The following POFUT3 variants were observed in gnomAD, a reference collection of about 807,000 sequenced individuals.
The protein encoded by POFUT3 is GDP-fucose protein O-fucosyltransferase 3.
the POFUT3 span, chr8:33,461,527 A>T: frequency 1.9e-6 from 3 of 1,606,814 alleles, no homozygotes; most frequent in Non-Finnish European, 2.5e-6. Context: ...AGAGCCCGAG[A>T]CAACTTCACA....
At chr8:33,471,731 C>CT in the POFUT3 span, among the ~76,000 whole-genome samples, 1 of 152,036 alleles carries the variant, frequency 6.6e-6, no homozygotes. Flanking sequence ...TGAAAACTTA[C>CT]TTTTTTTTCT....
At chr8:33,393,889 G>A in the POFUT3 span, among the ~76,000 whole-genome samples, 5 of 152,294 alleles carry the variant, frequency 3.3e-5, no homozygotes, top group African/African-American at 7.2e-5. Flanking sequence ...GCTCTCCAAA[G>A]GTAATCTGTT....
At chr8:33,311,152 C>T in the POFUT3 span, among the ~76,000 whole-genome samples, 7 of 152,306 alleles carry the variant, frequency 4.6e-5, no homozygotes, top group African/African-American at 1.7e-4. Context: ...CTATTACATC[C>T]TCAATACCTT....
the POFUT3 span, among the ~76,000 whole-genome samples, chr8:33,379,581 T>C: frequency 1.3e-5 from 2 of 151,976 alleles, no homozygotes. Context: ...CTCACGCCTG[T>C]AATCTCAGCA....
At chr8:33,395,503 T>C in the POFUT3 span, among the ~76,000 whole-genome samples, 6,977 of 151,952 alleles carry the variant, frequency 0.046, 532 homozygotes, top group African/African-American at 0.16. Context: ...AGATCATCTT[T>C]CCGCTCTATC....
the POFUT3 span, among the ~76,000 whole-genome samples, chr8:33,396,342 C>T: frequency 6.6e-6 from 1 of 152,156 alleles, no homozygotes; most frequent in Admixed American, 6.5e-5. Context: ...TAATACATTC[C>T]CACTGTTTGA....
At chr8:33,313,582 T>G in the POFUT3 span, among the ~76,000 whole-genome samples, 1 of 151,620 alleles carries the variant, frequency 6.6e-6, no homozygotes, top group Non-Finnish European at 1.5e-5. Flanking sequence ...GGAACCATCA[T>G]CAGCACAGAA....
the POFUT3 span, among the ~76,000 whole-genome samples, chr8:33,340,712 C>CA: frequency 6.6e-6 from 1 of 151,264 alleles, no homozygotes; most frequent in Non-Finnish European, 1.5e-5. Flanking sequence ...TACAGAAAGA[C>CA]AAAAAAAAGT....
chr8:33,434,336 A>G, the POFUT3 span, among the ~76,000 whole-genome samples: 3,391 of 152,038 alleles, frequency 0.022, 64 homozygotes, highest in East Asian at 0.084. Context: ...CTTGAATCTG[A>G]TTCTCTTATT....
the POFUT3 span, among the ~76,000 whole-genome samples, chr8:33,463,499 C>T: frequency 7.3e-5 from 11 of 150,238 alleles, no homozygotes; most frequent in East Asian, 3.9e-4. Context: ...AGCCAGACTG[C>T]GTCTCAAAAA....
the POFUT3 span, among the ~76,000 whole-genome samples, chr8:33,375,504 AG>A: frequency 6.6e-6 from 1 of 152,124 alleles, no homozygotes; most frequent in African/African-American, 2.4e-5. Context: ...ACATCTTCAG[AG>A]GAGAGTTAAA....
chr8:33,422,874 C>T, the POFUT3 span, among the ~76,000 whole-genome samples: 1 of 151,930 alleles, frequency 6.6e-6, no homozygotes, highest in African/African-American at 2.4e-5. Context: ...TGGAGTGGCA[C>T]GATCTCGGCT....
At chr8:33,370,169 T>TAAAAAAAAAAAAAAAAAAAAAAAAAAAAA in the POFUT3 span, among the ~76,000 whole-genome samples, 1 of 39,864 alleles carries the variant, frequency 2.5e-5, no homozygotes, top group Non-Finnish European at 5.3e-5. Flanking sequence ...CCATCTTTAC[T>TAAAAAAAAAAAAAAAAAAAAAAAAAAAAA]AAAAAAAAAA....
chr8:33,411,175 G>A, the POFUT3 span, among the ~76,000 whole-genome samples: 3 of 152,174 alleles, frequency 2.0e-5, no homozygotes, highest in Admixed American at 6.6e-5. Flanking sequence ...GGTGAATGAC[G>A]TTATGAGAAA....
chr8:33,372,205 C>T, the POFUT3 span: 1 of 1,003,284 alleles, frequency 1.0e-6, no homozygotes, highest in East Asian at 1.0e-4. Flanking sequence ...TGCCAAATAC[C>T]AATAAGCTGT....
chr8:33,439,754 C>T, the POFUT3 span, among the ~76,000 whole-genome samples: 13 of 152,020 alleles, frequency 8.6e-5, no homozygotes, highest in African/African-American at 3.1e-4. Context: ...ATAATCCCAA[C>T]TACTTGGGAG....
At chr8:33,329,131 A>G in the POFUT3 span, among the ~76,000 whole-genome samples, 3 of 151,376 alleles carry the variant, frequency 2.0e-5, no homozygotes, top group African/African-American at 4.9e-5. Flanking sequence ...CCAACAATAT[A>G]CCACCTGTCA....
chr8:33,423,475 GC>G, the POFUT3 span, among the ~76,000 whole-genome samples: 1 of 152,104 alleles, frequency 6.6e-6, no homozygotes, highest in South Asian at 2.1e-4. Flanking sequence ...TCACTATGTT[GC>G]CCAGGCTAGT....
chr8:33,411,591 C>G, the POFUT3 span, among the ~76,000 whole-genome samples: 1 of 152,234 alleles, frequency 6.6e-6, no homozygotes, highest in African/African-American at 2.4e-5. Context: ...AGTTCGAGAC[C>G]AGCCTGGCCA....
Sources: gnomAD v4.1 joint callset for allele counts (sites outside exome capture counted in the v4.1 genomes callset) on GRCh38, gnomAD v4.1.1 for gene constraint, MANE v1.5 for transcripts, NCBI Gene and HGNC (gene_info 2026-07-23, HGNC 2026-07-21) for gene names.